The following ST7L variants were observed in gnomAD, a reference collection of about 807,000 sequenced individuals.
ST7L encodes the protein suppressor of tumorigenicity 7 protein-like.
In ST7L, 57 loss-of-function variants were observed where a neutral mutation model predicts 72.5. The observed-to-expected ratio is 0.79, with a 90% CI of 0.64 to 0.98. The LOEUF (loss-of-function observed/expected upper bound fraction) is 0.98. Among genes scored for constraint, ST7L ranks in the 50% least tolerant of loss-of-function variants. The pLI is 0.00. For missense variants in ST7L, 576 were observed against 672.2 expected, an observed-to-expected ratio of 0.86 and a Z score of 1.58; for synonymous variants, 221 against 240.9, an observed-to-expected ratio of 0.92 and a Z score of 0.77.
intron 11 of ST7L, among the ~76,000 whole-genome samples, chr1:112,560,038 A>G (rs1659846865): frequency 6.6e-6 from 1 of 152,186 alleles, no homozygotes; most frequent in African/African-American, 2.4e-5. Context: ...ATTATTTGTT[A>G]TCGATTATTA....
intron 5 of ST7L, among the ~76,000 whole-genome samples, chr1:112,593,823 G>A (rs1666034263): frequency 6.6e-6 from 1 of 152,118 alleles, no homozygotes; most frequent in African/African-American, 2.4e-5. Context: ...AGTAAGTCAA[G>A]AGAAATTTGC....
intron 11 of ST7L, among the ~76,000 whole-genome samples, chr1:112,574,476 T>C (rs370350367): frequency 6.6e-6 from 1 of 150,418 alleles, no homozygotes; most frequent in Non-Finnish European, 1.5e-5. Context: ...TGGCTAACAC[T>C]GTGAAACCTC....
chr1:112,597,398 C>T (rs1666638446), intron 5 of ST7L, among the ~76,000 whole-genome samples: 1 of 152,152 alleles, frequency 6.6e-6, no homozygotes, highest in Non-Finnish European at 1.5e-5. Context: ...TTACTTGGAG[C>T]TATGATTGCA....
intron 5 of ST7L, among the ~76,000 whole-genome samples, chr1:112,593,913 A>G (rs1354980334): frequency 1.3e-5 from 2 of 152,192 alleles, no homozygotes; most frequent in Non-Finnish European, 2.9e-5. Flanking sequence ...AGGGTCTGAA[A>G]AGATCAATAT....
chr1:112,549,368 G>A (rs111406026), intron 13 of ST7L, among the ~76,000 whole-genome samples: 4,949 of 152,214 alleles, frequency 0.033, 145 homozygotes, highest in African/African-American at 0.075. Context: ...ACTCCAGCCT[G>A]GGTGAGAGTG....
rs1006220392 is a variant in ST7L at position 112,578,643 on chromosome 1, G to A, written c.1070-226C>T. Among the ~76,000 whole-genome samples, 7 of 151,908 alleles carry A rather than the reference G, an allele frequency of 4.6e-5. No individual in the cohort carries two copies. In the East Asian group the frequency reaches 5.8e-4, roughly 13 times the overall value. On this transcript the variant is annotated intron_variant, in intron 9 of 14. Transcript: ENST00000358039. Reference sequence around the variant, plus strand: ...ACAAAAATTTGCCAGGCATGGTGGCGCATGCCTGTAATCCCAGCTACTCAG... The same window carrying A: ...ACAAAAATTTGCCAGGCATGGTGGCACATGCCTGTAATCCCAGCTACTCAG...
intron 5 of ST7L, among the ~76,000 whole-genome samples, chr1:112,595,370 GAAAAAAAAAAAAAAAAA>G (rs67553307): frequency 3.8e-5 from 2 of 52,000 alleles, no homozygotes; most frequent in African/African-American, 7.7e-5. Context: ...GGTCTCAAAA[GAAAAAAAAAAAAAAAAA>G]AAAAAAAAAA....
chr1:112,590,724 T>C (rs1381333104), intron 6 of ST7L, among the ~76,000 whole-genome samples: 1 of 152,138 alleles, frequency 6.6e-6, no homozygotes, highest in Non-Finnish European at 1.5e-5. Flanking sequence ...TTTCAAAATA[T>C]AAAGTTCAAA....
At chr1:112,588,673 A>G (rs1353888055) in intron 6 of ST7L, among the ~76,000 whole-genome samples, 1 of 152,124 alleles carries the variant, frequency 6.6e-6, no homozygotes. Context: ...TCTTCATTCT[A>G]TTAATGTAGT....
chr1:112,526,189 A>G (rs1653349034), intron 14 of ST7L, 78 bp from the exon 15 acceptor site: 1 of 1,591,760 alleles, frequency 6.3e-7, no homozygotes, highest in Non-Finnish European at 8.6e-7. Context: ...ATCTGAGCAC[A>G]GTTTACAAAG....
chr1:112,573,859 A>T, intron 11 of ST7L, among the ~76,000 whole-genome samples: 1 of 140,736 alleles, frequency 7.1e-6, no homozygotes, highest in Admixed American at 7.2e-5. Context: ...ACACCACTGC[A>T]CTCCAGCCTG....
At chr1:112,555,421 C>T (rs1198313732) in intron 12 of ST7L, among the ~76,000 whole-genome samples, 2 of 151,894 alleles carry the variant, frequency 1.3e-5, no homozygotes, top group Non-Finnish European at 2.9e-5. Flanking sequence ...AAAAATTAGC[C>T]GGGCATGGTG....
chr1:112,569,358 A>G (rs1238756211), intron 11 of ST7L, among the ~76,000 whole-genome samples: 1 of 152,242 alleles, frequency 6.6e-6, no homozygotes, highest in Non-Finnish European at 1.5e-5. Context: ...ATGTGGTACA[A>G]TGGAATAGTA....
At chr1:112,520,262 C>T (rs757857254), downstream of ST7L, 5 of 1,609,136 alleles carry the variant, frequency 3.1e-6, no homozygotes, top group African/African-American at 2.7e-5. Context: ...TTCTCACTCC[C>T]TCTCTTCCCC....
intron 7 of ST7L, among the ~76,000 whole-genome samples, chr1:112,582,884 T>C (rs1206259915): frequency 6.6e-6 from 1 of 152,198 alleles, no homozygotes; most frequent in Non-Finnish European, 1.5e-5. Context: ...TCTCTATTGT[T>C]TTAAATGAAA....
At chr1:112,598,750 T>C (rs1335669547) in intron 4 of ST7L, among the ~76,000 whole-genome samples, 1 of 151,632 alleles carries the variant, frequency 6.6e-6, no homozygotes, top group Admixed American at 6.6e-5. Context: ...TAAGGATTCC[T>C]GATACTAATA....
chr1:112,612,001 T>C (rs939141284), intron 2 of ST7L, among the ~76,000 whole-genome samples: 5 of 148,050 alleles, frequency 3.4e-5, no homozygotes, highest in Non-Finnish European at 7.4e-5. Context: ...AAAAGTCACC[T>C]GACAGACTAG....
At position 112,524,169 on chromosome 1, in the gene ST7L, C is replaced by G. The variant is rs1653064356; in HGVS notation, c.*1844G>C. On this transcript the variant is annotated 3_prime_UTR_variant, in exon 15 of 15. Transcript: ENST00000358039. ...TGTCTCACTTCCCTTATCAAGAACA[C>G]CAACCAGTAAGTCTTTGCCAAATTC... is the stretch of plus-strand genomic sequence containing the variant. 6.6e-6 allele frequency: 1 copy of G among 152,576 alleles called. No individual in the cohort carries two copies. Among genetic ancestry groups the G allele is most frequent in the African/African-American group, 2.4e-5 (1 of 41,436 alleles). The allele number at this position is 152,576 out of a possible 1,614,324, so 9.5% of individuals were successfully genotyped here.
intron 3 of ST7L, among the ~76,000 whole-genome samples, chr1:112,604,436 G>A (rs1405234743): frequency 6.6e-6 from 1 of 152,042 alleles, no homozygotes; most frequent in African/African-American, 2.4e-5. Context: ...AGAGGCTCAA[G>A]GTACAATTCA....
Sources: gnomAD v4.1 joint callset for allele counts (sites outside exome capture counted in the v4.1 genomes callset) on GRCh38, gnomAD v4.1.1 for gene constraint, MANE v1.5 for transcripts, NCBI Gene and HGNC (gene_info 2026-07-23, HGNC 2026-07-21) for gene names.